Variants in LRRIQ3 observed in about 807,000 individuals in gnomAD.
The protein encoded by LRRIQ3 is leucine-rich repeat and IQ domain-containing protein 3.
In LRRIQ3, 75 loss-of-function variants were observed where a neutral mutation model predicts 59.3. The observed-to-expected ratio is 1.26, with a 90% confidence interval of 1.05 to 1.53. The LOEUF is 1.53. LRRIQ3 is among the 40% of genes most tolerant of loss of function. The probability of loss-of-function intolerance (pLI) is 0.00; values close to 1 mark genes in which losing one functional copy is unlikely to be tolerated. For missense variants in LRRIQ3, 831 were observed against 710.0 expected (o/e 1.17, Z -1.94); for synonymous variants, 250 against 231.3 (o/e 1.08, Z -0.73).
intron 5 of LRRIQ3, among the ~76,000 whole-genome samples, chr1:74,085,239 T>C (rs1038327960): frequency 1.8e-4 from 28 of 151,476 alleles, no homozygotes; most frequent in Non-Finnish European, 3.0e-5. Flanking sequence ...TTCTGCTTTT[T>C]AAATGCAACA....
chr1:74,164,811 T>C (rs1305891550), intron 3 of LRRIQ3, among the ~76,000 whole-genome samples: 1 of 151,584 alleles, frequency 6.6e-6, no homozygotes, highest in African/African-American at 2.4e-5. Context: ...GCTTGACCTA[T>C]TTTGAGTTAA....
intron 4 of LRRIQ3, among the ~76,000 whole-genome samples, chr1:74,151,639 T>A (rs1647976780): frequency 6.6e-6 from 1 of 152,054 alleles, no homozygotes; most frequent in South Asian, 2.1e-4. Context: ...AAATAAAAAG[T>A]CTATGGTAAG....
At chr1:74,156,505 G>A (rs1167445187) in intron 3 of LRRIQ3, among the ~76,000 whole-genome samples, 1 of 152,056 alleles carries the variant, frequency 6.6e-6, no homozygotes, top group Non-Finnish European at 1.5e-5. Flanking sequence ...GATTCTTGAT[G>A]ATAACTTTTT....
intron 4 of LRRIQ3, among the ~76,000 whole-genome samples, chr1:74,154,665 T>C (rs1053807947): frequency 2.0e-5 from 3 of 152,176 alleles, no homozygotes; most frequent in African/African-American, 7.2e-5. Flanking sequence ...TTTAATTAGA[T>C]CTGTATTTAA....
chr1:74,053,867 C>T (rs1419633412), intron 6 of LRRIQ3, among the ~76,000 whole-genome samples: 3 of 152,056 alleles, frequency 2.0e-5, no homozygotes, highest in Admixed American at 6.6e-5. Context: ...TTGACAACAC[C>T]AAATACTGAT....
chr1:74,054,739 AATAT>A (rs143015235), intron 6 of LRRIQ3, among the ~76,000 whole-genome samples: 1 of 141,796 alleles, frequency 7.1e-6, no homozygotes, highest in African/African-American at 2.6e-5. Context: ...AGAAAACACA[AATAT>A]ATATATATAT....
At chr1:74,130,705 C>A (rs1354570152) in intron 4 of LRRIQ3, among the ~76,000 whole-genome samples, 1 of 151,994 alleles carries the variant, frequency 6.6e-6, no homozygotes, top group Non-Finnish European at 1.5e-5. Flanking sequence ...CTCTTTCAAT[C>A]AGTATTTCTA....
At chr1:74,088,059 C>T (rs1287152350) in intron 5 of LRRIQ3, among the ~76,000 whole-genome samples, 11 of 152,064 alleles carry the variant, frequency 7.2e-5, no homozygotes, top group South Asian at 2.1e-4. Context: ...CGCCACTGCA[C>T]TCCAGCCTCG....
At chr1:74,176,886 A>G (rs1487165787) in intron 3 of LRRIQ3, among the ~76,000 whole-genome samples, 2 of 152,144 alleles carry the variant, frequency 1.3e-5, no homozygotes, top group African/African-American at 4.8e-5. Context: ...CTCCTTTGAC[A>G]TCACCCTACA....
chr1:74,149,582 C>A (rs1189140854), intron 4 of LRRIQ3, among the ~76,000 whole-genome samples: 1 of 152,160 alleles, frequency 6.6e-6, no homozygotes, highest in Non-Finnish European at 1.5e-5. Flanking sequence ...TTTCTCTCCA[C>A]AAATAATGAA....
chr1:74,140,285 A>C (rs541833891), intron 4 of LRRIQ3, among the ~76,000 whole-genome samples: 1 of 152,024 alleles, frequency 6.6e-6, no homozygotes, highest in African/African-American at 2.4e-5. Flanking sequence ...TACATCTGAT[A>C]AAGTAAACTT....
chr1:74,057,628 A>C (rs886363693), intron 6 of LRRIQ3, among the ~76,000 whole-genome samples: 2 of 152,192 alleles, frequency 1.3e-5, no homozygotes, highest in African/African-American at 4.8e-5. Flanking sequence ...GTAAGACTTG[A>C]AACTTTGAAA....
intron 4 of LRRIQ3, among the ~76,000 whole-genome samples, chr1:74,125,641 T>C (rs1253016236): frequency 6.6e-6 from 1 of 152,000 alleles, no homozygotes; most frequent in Non-Finnish European, 1.5e-5. Context: ...TCTGTTAATA[T>C]AATGCACCAC....
chr1:74,039,157 T>C (rs977411097), intron 7 of LRRIQ3, among the ~76,000 whole-genome samples: 10 of 152,064 alleles, frequency 6.6e-5, no homozygotes, highest in African/African-American at 1.2e-4. Context: ...GCTAAAAACA[T>C]AGGACGAGAA....
chr1:74,197,677 G>GA (rs1483499652), intron 1 of LRRIQ3, among the ~76,000 whole-genome samples: 1 of 151,872 alleles, frequency 6.6e-6, no homozygotes, highest in Non-Finnish European at 1.5e-5. Flanking sequence ...AGCCTACTAA[G>GA]AAAAAACAGA....
chr1:74,177,605 T>C (rs1649722755), intron 3 of LRRIQ3, among the ~76,000 whole-genome samples: 1 of 152,020 alleles, frequency 6.6e-6, no homozygotes. Context: ...TGATGTTTGT[T>C]TTGTGTATAA....
At chr1:74,033,441 T>A (rs1161036040) in intron 7 of LRRIQ3, among the ~76,000 whole-genome samples, 1 of 151,888 alleles carries the variant, frequency 6.6e-6, no homozygotes, top group Non-Finnish European at 1.5e-5. Context: ...TTGGAGGATA[T>A]GTGTGGTGGA....
chr1:74,078,359 A>C (rs1272840232), intron 5 of LRRIQ3, among the ~76,000 whole-genome samples: 4 of 151,894 alleles, frequency 2.6e-5, no homozygotes, highest in Non-Finnish European at 5.9e-5. Flanking sequence ...TTTTCCAATG[A>C]GATAGTAAAA....
intron 4 of LRRIQ3, among the ~76,000 whole-genome samples, chr1:74,147,380 T>G (rs1180206521): frequency 6.6e-6 from 1 of 152,220 alleles, no homozygotes; most frequent in Non-Finnish European, 1.5e-5. Context: ...TCTTTTGCTT[T>G]GGTCAACCAT....
Sources: allele counts gnomAD v4.1 joint callset (sites outside exome capture counted in the v4.1 genomes callset), GRCh38; gene constraint gnomAD v4.1.1; transcripts MANE v1.5; gene names NCBI Gene and HGNC (gene_info 2026-07-23, HGNC 2026-07-21).